MSN: variants seen among roughly 807,000 people sequenced by gnomAD.
MSN encodes the protein epididymis luminal protein 70.
A neutral mutation model predicts 48.0 loss-of-function variants in MSN; 2 were observed. That is an observed-to-expected ratio of 0.04 (90% CI 0.02 to 0.13). The LOEUF is 0.13. MSN is among the 10% of genes least tolerant of loss of function. The pLI, the probability that MSN is intolerant of heterozygous loss-of-function variation, is 1.00. For missense variants in MSN, 267 were observed against 470.1 expected (o/e 0.57, Z 3.99); for synonymous variants, 146 against 166.9 (o/e 0.87, Z 0.97).
At position 65,696,842 on chromosome X, in the gene MSN, G is replaced by A. The variant is rs147256720; in HGVS notation, c.13-19976G>A. ...TAGAGAAGTTACCTCAAGCTACATAGGGACCAAAACTAATAAGCTGGATGC... is the reference window on the plus strand; with the variant it reads ...TAGAGAAGTTACCTCAAGCTACATAAGGACCAAAACTAATAAGCTGGATGC... On this transcript the variant is annotated intron_variant, in intron 1 of 12. Transcript: ENST00000360270. Among the ~76,000 whole-genome samples, 23 of 111,045 alleles carry A rather than the reference G, an allele frequency of 2.1e-4. No homozygotes were observed. The East Asian group carries it at 5.9e-3, about 29-fold the overall frequency.
At chrX:65,654,547 G>C (rs188796128) in intron 1 of MSN, among the ~76,000 whole-genome samples, 34 of 111,071 alleles carry the variant, frequency 3.1e-4, no homozygotes, top group Admixed American at 2.1e-3. Context: ...TTTACCTAAA[G>C]TTGCTGAACT....
chrX:65,651,524 T>C (rs1255038307), intron 1 of MSN, among the ~76,000 whole-genome samples: 1 of 106,807 alleles, frequency 9.4e-6, no homozygotes, highest in African/African-American at 3.4e-5. Flanking sequence ...GGGGATGTAT[T>C]CTATTTTAGT....
chrX:65,654,169 G>A (rs1250267940), intron 1 of MSN, among the ~76,000 whole-genome samples: 16 of 99,383 alleles, frequency 1.6e-4, no homozygotes, highest in Non-Finnish European at 2.8e-4. Flanking sequence ...GCAGTGGCGC[G>A]ATCTCCACTC....
chrX:65,736,335 G>A (rs2071675464), intron 8 of MSN, among the ~76,000 whole-genome samples: 1 of 110,697 alleles, frequency 9.0e-6, no homozygotes, highest in Non-Finnish European at 1.9e-5. Flanking sequence ...TGAGGACAAG[G>A]GTATAGAGGT....
chrX:65,640,274 C>T (rs1214908382), intron 1 of MSN, among the ~76,000 whole-genome samples: 2 of 112,234 alleles, frequency 1.8e-5, no homozygotes, highest in Non-Finnish European at 3.8e-5. Flanking sequence ...GGCGTGGTGG[C>T]TCAGGCCTAT....
chrX:65,733,145 T>C, intron 6 of MSN, 39 bp from the exon 7 acceptor site: 1 of 1,109,748 alleles, frequency 9.0e-7, no homozygotes, highest in Non-Finnish European at 1.2e-6. Flanking sequence ...CCTTCTTGTC[T>C]TGCCCTTGTC....
intron 1 of MSN, among the ~76,000 whole-genome samples, chrX:65,716,203 T>C (rs2071463110): frequency 8.9e-6 from 1 of 111,942 alleles, no homozygotes; most frequent in South Asian, 3.7e-4. Context: ...CTGTCTAGTA[T>C]AGATGGAAAG....
At chrX:65,626,066 T>C (rs1381215009) in intron 1 of MSN, among the ~76,000 whole-genome samples, 1 of 107,413 alleles carries the variant, frequency 9.3e-6, no homozygotes. Context: ...ACCATTCTCC[T>C]GCCTCAGCCT....
At chrX:65,632,146 G>A (rs966425332) in intron 1 of MSN, among the ~76,000 whole-genome samples, 8 of 112,306 alleles carry the variant, frequency 7.1e-5, no homozygotes, top group Admixed American at 3.8e-4. Context: ...AACCCCTAAT[G>A]CAACAGTGTT....
chrX:65,714,576 A>AT (rs1259995153), intron 1 of MSN, among the ~76,000 whole-genome samples: 4 of 111,131 alleles, frequency 3.6e-5, no homozygotes, highest in Admixed American at 2.9e-4. Context: ...AATGATGTAA[A>AT]TTTTTTATAT....
chrX:65,655,686 A>G (rs2070775817), intron 1 of MSN, among the ~76,000 whole-genome samples: 1 of 113,047 alleles, frequency 8.8e-6, no homozygotes. Context: ...GAAGACATAG[A>G]CATCTCCCTG....
upstream of MSN, among the ~76,000 whole-genome samples, chrX:65,664,791 C>T (rs1243098893): frequency 9.4e-6 from 1 of 106,384 alleles, no homozygotes. Flanking sequence ...GCTCTGTCAC[C>T]CTGGCTGGAG....
chrX:65,588,671 C>T, intron 1 of MSN: 2 of 778,221 alleles, frequency 2.6e-6, no homozygotes, highest in Non-Finnish European at 3.1e-6. Flanking sequence ...AAGTGCCAGC[C>T]TGTGCCCTCT....
upstream of MSN, among the ~76,000 whole-genome samples, chrX:65,666,972 C>T (rs778840998): frequency 9.8e-5 from 11 of 111,704 alleles, no homozygotes; most frequent in African/African-American, 3.6e-4. Flanking sequence ...GATCAGGTCA[C>T]TGATTTGAGG....
At chrX:65,640,821 G>A (rs1405566445) in intron 1 of MSN, among the ~76,000 whole-genome samples, 1 of 111,562 alleles carries the variant, frequency 9.0e-6, no homozygotes, top group Admixed American at 9.6e-5. Flanking sequence ...TATAATCTTA[G>A]CACAGAGCCA....
intron 1 of MSN, chrX:65,588,647 G>T: frequency 3.8e-6 from 3 of 792,821 alleles, no homozygotes; most frequent in Non-Finnish European, 4.5e-6. Flanking sequence ...GGTTGGGAGA[G>T]GTTCCTGGAC....
At chrX:65,714,218 T>C (rs2071440655) in intron 1 of MSN, among the ~76,000 whole-genome samples, 1 of 112,454 alleles carries the variant, frequency 8.9e-6, no homozygotes, top group South Asian at 3.7e-4. Context: ...AGTCTACCAT[T>C]GACTGGCATT....
At chrX:65,613,757 T>C (rs1481407200) in intron 1 of MSN, among the ~76,000 whole-genome samples, 3 of 112,237 alleles carry the variant, frequency 2.7e-5, no homozygotes, top group African/African-American at 9.7e-5. Flanking sequence ...GTTCTTTGTA[T>C]AGTCTGGATA....
At chrX:65,723,249 A>G (rs1435497573) in intron 2 of MSN, among the ~76,000 whole-genome samples, 4 of 112,077 alleles carry the variant, frequency 3.6e-5, no homozygotes, top group Middle Eastern at 8.3e-3. Flanking sequence ...TTTACTTGCA[A>G]TAATTTTAAA....
Sources: gnomAD v4.1 joint callset for allele counts (sites outside exome capture counted in the v4.1 genomes callset) on GRCh38, gnomAD v4.1.1 for gene constraint, MANE v1.5 for transcripts, NCBI Gene and HGNC (gene_info 2026-07-23, HGNC 2026-07-21) for gene names.